PABPC4: variants seen among roughly 807,000 people sequenced by gnomAD.
PABPC4 encodes polyadenylate-binding protein 4.
A neutral mutation model predicts 74.5 loss-of-function variants in PABPC4; 15 were observed. The observed-to-expected ratio is 0.20, with a 90% CI of 0.13 to 0.31. The LOEUF (loss-of-function observed/expected upper bound fraction) is 0.31, where lower values mean the gene tolerates loss of function less well. Among genes scored for constraint, PABPC4 ranks in the 10% least tolerant of loss-of-function variants. The probability of loss-of-function intolerance (pLI) is 1.00; values close to 1 mark genes in which losing one functional copy is unlikely to be tolerated. For missense variants in PABPC4, 610 were observed against 853.5 expected (o/e 0.71, Z 3.55); for synonymous variants, 345 against 303.0 (o/e 1.14, Z -1.44).
At chr1:39,563,390 C>T (rs1645790742) in intron 12 of PABPC4, 1 of 532,586 alleles carries the variant, frequency 1.9e-6, no homozygotes, top group African/African-American at 1.9e-5. Flanking sequence ...CACTGGCTGC[C>T]CGCTCTGAGG....
rs1450094127 is a variant in PABPC4, at chr1:39,564,524, C to T, written c.1352G>A (p.Ser451Asn). Residue 451 changes from serine to asparagine, a missense_variant, in exon 10 of 16, where the codon AGT becomes AAT. Physicochemically the swap from Ser to Asn is conservative, Grantham distance 46. Coordinates refer to ENST00000372858, the MANE Select transcript of PABPC4 (RefSeq NM_001135653.2). ...GRPQGFQGMP[S>N]AIRQSGPRPT... ...ACGAGGCCCAGACTGGCGTATAGCA[C>T]TTGGCATTCCTTGGAAGCCTGGTGA... 1.2e-6 allele frequency: 2 copies of T among 1,614,188 alleles called. No individual in the cohort carries two copies. Among genetic ancestry groups the T allele is most frequent in the Non-Finnish European group, 1.7e-6 (2 of 1,180,020 alleles).
At position 39,561,127 on chromosome 1, in the gene PABPC4, A is replaced by C. The variant is rs189730492; in HGVS notation, c.*14-5T>G. 2.1e-6 allele frequency: 1 copy of C among 471,018 alleles called. No individual in the cohort carries two copies. The highest frequency in any genetic ancestry group is 2.0e-5 in the African/African-American group (1 of 50,092). 29.2% of individuals were successfully genotyped at this position (471,018 alleles called of 1,614,324 possible). On this transcript the variant is annotated splice_polypyrimidine_tract_variant and splice_region_variant and intron_variant, in intron 15 of 15. Coordinates refer to ENST00000372858, the MANE Select transcript of PABPC4 (RefSeq NM_001135653.2). Reference sequence around the variant, plus strand: ...GGGTTATTTGGCTTTTGAATCCTGTAAAGAAAAGCACCAACACAAATAAAT... The same window carrying C: ...GGGTTATTTGGCTTTTGAATCCTGTCAAGAAAAGCACCAACACAAATAAAT...
At position 39,576,005 on chromosome 1, in the gene PABPC4, G is replaced by T; in HGVS notation, c.-54C>A. On this transcript the variant is annotated 5_prime_UTR_variant, in exon 1 of 16. Transcript: ENST00000372858. ...GCCAGGAGGACTTCTTATCGGGCCC[G>T]CCGCAGGACAAAGGGGCGCCTTCGG... 1 of 1,284,470 alleles carries T rather than the reference G, an allele frequency of 7.8e-7. No homozygotes were observed. The highest frequency in any genetic ancestry group is 1.0e-6 in the Non-Finnish European group (1 of 964,480). The allele number at this position is 1,284,470 out of a possible 1,614,324, so 79.6% of individuals were successfully genotyped here.
chr1:39,567,479 G>A (rs758406707), intron 7 of PABPC4: 1 of 585,118 alleles, frequency 1.7e-6, no homozygotes, highest in Admixed American at 1.9e-5. Context: ...ACCGGCACGA[G>A]GCAGCAAGGA....
Position 39,567,799 on chromosome 1 carries a change from CTCA to C in PABPC4, c.921_923del (p.Asp307del), listed in dbSNP as rs1557716674. On this transcript the variant is annotated inframe_deletion, in exon 7 of 16. Coordinates refer to ENST00000372858, the MANE Select transcript of PABPC4 (RefSeq NM_001135653.2). ...AAGGAGAAAATTCTTTCCTTAATTT[CTCA>C]TCATCAATAGTGTCATCCAAGTTCT... 6.2e-7 allele frequency: 1 copy of C among 1,601,788 alleles called. No homozygotes were observed. Among genetic ancestry groups the C allele is most frequent in the South Asian group, 1.1e-5 (1 of 90,778 alleles).
In PABPC4 at chr1:39,565,392, C is replaced by A; in HGVS notation, c.973-14G>T. The A allele has an allele frequency of 6.2e-7, 1 of 1,601,284 alleles. No individual in the cohort carries two copies. Among genetic ancestry groups the A allele is most frequent in the Non-Finnish European group, 8.5e-7 (1 of 1,172,246 alleles). ...CTCCAGCATTACCTACAAAATGAGA[C>A]CAGCTACTTAAGAAATAAGGTGTCC... is the stretch of plus-strand genomic sequence containing the variant. On this transcript the variant is annotated splice_polypyrimidine_tract_variant and intron_variant, in intron 7 of 15. Coordinates refer to ENST00000372858, the MANE Select transcript of PABPC4 (RefSeq NM_001135653.2).
In PABPC4 at chr1:39,565,144, G is replaced by C; in HGVS notation, c.1207C>G (p.Pro403Ala). ...PANAILNQFQ[P>A]AAGGYFVPAV... ...GGCACAAAGTAGCCACCCGCTGCAG[G>C]CTGGAACTGATTTAAGATGGCATTG... The change falls in exon 8 of 16, where the codon CCT (proline) becomes GCT (alanine). Residue 403 changes from proline to alanine, a missense_variant. Pro to Ala is a conservative substitution (Grantham distance 27). Transcript: ENST00000372858. 1 of 1,614,096 alleles carries C rather than the reference G, an allele frequency of 6.2e-7. No individual in the cohort carries two copies. The highest frequency in any genetic ancestry group is 8.5e-7 in the Non-Finnish European group (1 of 1,180,046).
At chr1:39,563,417 G>A (rs1645791681) in intron 12 of PABPC4, 197 bp downstream of exon 12, 1 of 613,494 alleles carries the variant, frequency 1.6e-6, no homozygotes, top group Non-Finnish European at 2.7e-6. Context: ...TGAGTGAACT[G>A]GCATCAGGCA....
At position 39,563,709 on chromosome 1, in the gene PABPC4, G is replaced by A. The variant is rs141523814; in HGVS notation, c.1573C>T (p.Arg525Cys). The A allele has an allele frequency of 2.2e-5, 35 of 1,614,120 alleles. No homozygotes were observed. The highest frequency in any genetic ancestry group is 2.7e-5 in the Non-Finnish European group (32 of 1,180,030). ...GGAGCAGCAGCAGCAACAGCAGCGC[G>A]TGGCGCTAAGTTCTGCACAGCTGTG... ...VPTAVQNLAP[R>C]AAVAAAAPRA... Residue 525 changes from arginine (R) to cysteine (C), a missense_variant, in exon 12 of 16, where the codon CGC becomes TGC. Physicochemically the swap from Arg to Cys is radical, Grantham distance 180 (BLOSUM62 -3). Transcript: ENST00000372858.
intron 7 of PABPC4, chr1:39,567,287 A>C (rs1331793305): frequency 2.3e-6 from 1 of 431,974 alleles, no homozygotes; most frequent in Non-Finnish European, 4.6e-6. Context: ...AAAACCTTCC[A>C]CTCCCCTTTC....
Position 39,562,092 on chromosome 1 carries a change from G to A in PABPC4, c.1874C>T (p.Pro625Leu). The stretch of plus-strand genomic sequence containing the variant: ...GCTCACCTTGGAGCGGAGAGACTCG[G>A]GGGACTCTAACATGTGCAGCAGCTC... ...NSELLHMLES[P>L]ESLRSKVDEA... Residue 625 changes from proline (P) to leucine (L), a missense_variant, in exon 14 of 16, where the codon CCC becomes CTC. Physicochemically the swap from Pro to Leu is moderately conservative, Grantham distance 98. Coordinates refer to ENST00000372858, the MANE Select transcript of PABPC4 (RefSeq NM_001135653.2). 5.0e-6 allele frequency: 8 copies of A among 1,613,226 alleles called. No individual in the cohort carries two copies. Among genetic ancestry groups the A allele is most frequent in the Non-Finnish European group, 6.8e-6 (8 of 1,180,014 alleles).
Position 39,563,937 on chromosome 1 carries a change from C to A in PABPC4, c.1454-15G>T. ...GCACTCAGACCCTACAACAGACCAG[C>A]AAATGCACATCAGTGTTGGCGGCAG... On this transcript the variant is annotated splice_polypyrimidine_tract_variant and intron_variant, in intron 10 of 15. Coordinates refer to ENST00000372858, the MANE Select transcript of PABPC4 (RefSeq NM_001135653.2). The A allele has an allele frequency of 6.2e-7, 1 of 1,612,898 alleles. No individual in the cohort carries two copies. The highest frequency in any genetic ancestry group is 1.7e-5 in the Admixed American group (1 of 59,948).
chr1:39,570,490 A>C (rs1645924218), intron 3 of PABPC4: 1 of 156,160 alleles, frequency 6.4e-6, no homozygotes, highest in Non-Finnish European at 1.4e-5. Context: ...TGATATCTGT[A>C]GATCAACCAC....
In PABPC4 at chr1:39,562,070, C is replaced by T. The variant is rs769689512; in HGVS notation, c.1893+3G>A. The T allele has an allele frequency of 1.2e-6, 2 of 1,612,422 alleles. No individual in the cohort carries two copies. The highest frequency in any genetic ancestry group is 1.7e-6 in the Non-Finnish European group (2 of 1,179,802). ...AAGCTGCAGGGTCTGAGCCCCAGCTCACCTTGGAGCGGAGAGACTCGGGGG... is the reference window on the plus strand; with the variant it reads ...AAGCTGCAGGGTCTGAGCCCCAGCTTACCTTGGAGCGGAGAGACTCGGGGG... On this transcript the variant is annotated splice_donor_region_variant and intron_variant, in intron 14 of 15. Transcript: ENST00000372858.
intron 3 of PABPC4, chr1:39,570,679 T>G (rs142478998): frequency 6.4e-6 from 1 of 157,144 alleles, no homozygotes; most frequent in African/African-American, 2.4e-5. Flanking sequence ...CAACAAGGTC[T>G]GTTATGAAGT....
chr1:39,564,672 TC>T lies in PABPC4; in HGVS notation c.1333+13del. On this transcript the variant is annotated intron_variant, in intron 9 of 15. Transcript: ENST00000372858. ...TATATCCTGGGCTGTCAATTACTGTTCCCCACCACCTACCTTGAGGTCTCCC... is the reference window on the plus strand; with the variant it reads ...TATATCCTGGGCTGTCAATTACTGTTCCCACCACCTACCTTGAGGTCTCCC... The T allele has an allele frequency of 6.2e-7, 1 of 1,613,434 alleles. No homozygotes were observed. The highest frequency in any genetic ancestry group is 8.5e-7 in the Non-Finnish European group (1 of 1,179,440).
intron 12 of PABPC4, 88 bp from the exon 13 acceptor site, chr1:39,562,504 GACTA>G (rs1645780231): frequency 1.1e-6 from 1 of 940,684 alleles, no homozygotes; most frequent in Non-Finnish European, 1.6e-6. Context: ...CTGAACATCT[GACTA>G]TGTGAAAGAG....
At position 39,572,507 on chromosome 1, in the gene PABPC4, G is replaced by A. The variant is rs1189800734; in HGVS notation, c.273C>T (p.Pro91=). 2.5e-6 allele frequency: 4 copies of A among 1,614,014 alleles called. No homozygotes were observed. Among genetic ancestry groups the A allele is most frequent in the Admixed American group, 3.3e-5 (2 of 60,014 alleles). The change falls in exon 2 of 16, where the codon CCC becomes CCT. Residue 91 remains proline (P), a synonymous_variant. Transcript: ENST00000372858. ...PIRIMWSQRD[P]SLRKSGVGNV... The stretch of plus-strand genomic sequence containing the variant: ...TTCCCACACCAGATTTTCTCAAAGA[G>A]GGATCCCTCTGAGACCACATGATGC...
intron 3 of PABPC4, 172 bp downstream of exon 3, chr1:39,571,062 A>G: frequency 6.7e-7 from 1 of 1,496,646 alleles, no homozygotes; most frequent in Non-Finnish European, 8.9e-7. Context: ...TTGGCGAGTC[A>G]AAAGGGCTGC....
Sources: allele counts gnomAD v4.1 joint callset, GRCh38; gene constraint gnomAD v4.1.1; transcripts MANE v1.5; gene names NCBI Gene and HGNC (gene_info 2026-07-23, HGNC 2026-07-21).